NKAIN3: variants seen among roughly 807,000 people sequenced by gnomAD.
The protein encoded by NKAIN3 is sodium/potassium transporting ATPase interacting 3.
NKAIN3 carries 25 observed loss-of-function variants against 30.2 expected under a neutral mutation model. The ratio of observed to expected loss-of-function variants is 0.83; its 90% CI spans 0.60 to 1.16. The LOEUF (loss-of-function observed/expected upper bound fraction) is 1.16. Among genes scored for constraint, NKAIN3 ranks in the 50% most tolerant of loss-of-function variants. The probability of loss-of-function intolerance (pLI) is 0.00; values close to 1 mark genes in which losing one functional copy is unlikely to be tolerated. For missense variants in NKAIN3, 225 were observed against 254.1 expected (o/e 0.89, Z 0.78); for synonymous variants, 91 against 89.6 (o/e 1.02, Z -0.09).
At chr8:62,806,094 C>T (rs902830484) in intron 4 of NKAIN3, among the ~76,000 whole-genome samples, 9 of 152,270 alleles carry the variant, frequency 5.9e-5, no homozygotes, top group African/African-American at 2.2e-4. Flanking sequence ...CAAATCAAAA[C>T]CACAATGAGA....
intron 3 of NKAIN3, among the ~76,000 whole-genome samples, chr8:62,665,840 G>A (rs1198986474): frequency 6.6e-6 from 1 of 152,106 alleles, no homozygotes; most frequent in Admixed American, 6.6e-5. Context: ...AATGTTGGAA[G>A]GATATGGAGC....
At chr8:62,722,427 T>C (rs1212943869) in intron 3 of NKAIN3, among the ~76,000 whole-genome samples, 2 of 152,200 alleles carry the variant, frequency 1.3e-5, no homozygotes, top group Non-Finnish European at 2.9e-5. Context: ...ACCCTCATTA[T>C]CATTCCTCCC....
intron 1 of NKAIN3, among the ~76,000 whole-genome samples, chr8:62,344,261 T>C (rs1815851761): frequency 6.6e-6 from 1 of 152,104 alleles, no homozygotes. Context: ...GACTTCTATT[T>C]AGAATAGTTG....
At chr8:62,931,544 A>G (rs1822619361) in intron 5 of NKAIN3, among the ~76,000 whole-genome samples, 1 of 152,192 alleles carries the variant, frequency 6.6e-6, no homozygotes, top group Non-Finnish European at 1.5e-5. Context: ...CACTTCTCCA[A>G]TAAATAAGCA....
At chr8:62,757,978 A>G (rs1246774830) in intron 4 of NKAIN3, among the ~76,000 whole-genome samples, 1 of 152,184 alleles carries the variant, frequency 6.6e-6, no homozygotes, top group South Asian at 2.1e-4. Context: ...TGGATCAGAT[A>G]TGCAGAAACA....
intron 1 of NKAIN3, among the ~76,000 whole-genome samples, chr8:62,269,534 G>T (rs766456931): frequency 2.0e-5 from 3 of 152,090 alleles, no homozygotes; most frequent in Non-Finnish European, 4.4e-5. Context: ...TTCTGTGGGT[G>T]CTAGTCTATT....
At chr8:62,739,286 A>G (rs1279362245) in intron 3 of NKAIN3, among the ~76,000 whole-genome samples, 1 of 152,100 alleles carries the variant, frequency 6.6e-6, no homozygotes, top group Admixed American at 6.5e-5. Context: ...AAATATATAT[A>G]TACACAAATT....
chr8:62,685,001 C>T (rs1813752884), intron 3 of NKAIN3, among the ~76,000 whole-genome samples: 1 of 152,074 alleles, frequency 6.6e-6, no homozygotes, highest in Non-Finnish European at 1.5e-5. Flanking sequence ...TTATGGAAGT[C>T]CTAAGAGACT....
chr8:62,564,492 A>G (rs1809685547), intron 1 of NKAIN3, among the ~76,000 whole-genome samples: 1 of 152,214 alleles, frequency 6.6e-6, no homozygotes, highest in Non-Finnish European at 1.5e-5. Context: ...CAGTACCTGC[A>G]AGGTAAATTC....
At chr8:62,812,730 G>A (rs1818530135) in intron 4 of NKAIN3, among the ~76,000 whole-genome samples, 1 of 151,516 alleles carries the variant, frequency 6.6e-6, no homozygotes, top group African/African-American at 2.4e-5. Context: ...GATTTCTAGA[G>A]AAATATACAT....
chr8:62,873,588 G>A (rs963309659), intron 4 of NKAIN3, among the ~76,000 whole-genome samples: 1 of 150,924 alleles, frequency 6.6e-6, no homozygotes, highest in East Asian at 1.9e-4. Flanking sequence ...ATAATTGGAA[G>A]TAAAACATTC....
intron 1 of NKAIN3, among the ~76,000 whole-genome samples, chr8:62,274,730 T>TGC (rs1288249631): frequency 2.6e-5 from 4 of 152,004 alleles, no homozygotes; most frequent in Non-Finnish European, 5.9e-5. Flanking sequence ...TATCTCCTAA[T>TGC]GCTATCCCTC....
At chr8:62,435,337 A>G (rs566225894) in intron 1 of NKAIN3, among the ~76,000 whole-genome samples, 1 of 152,154 alleles carries the variant, frequency 6.6e-6, no homozygotes, top group African/African-American at 2.4e-5. Context: ...TTATGGACAC[A>G]ATAAAATCTC....
At chr8:62,745,805 T>G (rs1324455602) in intron 3 of NKAIN3, among the ~76,000 whole-genome samples, 1 of 152,146 alleles carries the variant, frequency 6.6e-6, no homozygotes, top group Non-Finnish European at 1.5e-5. Context: ...CTGGCTGTCT[T>G]CAGAGTATAA....
chr8:62,565,079 A>T (rs771320695), intron 1 of NKAIN3, among the ~76,000 whole-genome samples: 36 of 152,166 alleles, frequency 2.4e-4, no homozygotes, highest in Non-Finnish European at 3.4e-4. Flanking sequence ...GTTATTAACT[A>T]AAATCCCATT....
At chr8:62,842,676 G>A (rs1244641746) in intron 4 of NKAIN3, among the ~76,000 whole-genome samples, 2 of 152,018 alleles carry the variant, frequency 1.3e-5, no homozygotes, top group Non-Finnish European at 2.9e-5. Context: ...TCGACCTATG[G>A]AACAGGACAG....
intron 1 of NKAIN3, among the ~76,000 whole-genome samples, chr8:62,523,768 A>G (rs1808223529): frequency 1.3e-5 from 2 of 152,062 alleles, no homozygotes; most frequent in Admixed American, 1.3e-4. Flanking sequence ...AGGACAAGGG[A>G]GTAATGAACC....
chr8:62,523,310 C>T (rs536194183), intron 1 of NKAIN3, among the ~76,000 whole-genome samples: 16 of 152,120 alleles, frequency 1.1e-4, no homozygotes, highest in African/African-American at 3.4e-4. Context: ...GTCCTTACAG[C>T]GAAACTGTCT....
At chr8:62,429,151 G>T (rs189933262) in intron 1 of NKAIN3, among the ~76,000 whole-genome samples, 3 of 151,890 alleles carry the variant, frequency 2.0e-5, no homozygotes, top group East Asian at 3.9e-4. Context: ...ATGTCTAATT[G>T]CTCTGGCTAG....
Sources: gnomAD v4.1 joint callset for allele counts (sites outside exome capture counted in the v4.1 genomes callset) on GRCh38, gnomAD v4.1.1 for gene constraint, MANE v1.5 for transcripts, NCBI Gene and HGNC (gene_info 2026-07-23, HGNC 2026-07-21) for gene names.